Variants in RFX7 observed in about 807,000 individuals in gnomAD.
RFX7 encodes the protein regulatory factor X7, also known as DNA-binding protein RFX7.
Under a neutral mutation model 111.8 loss-of-function variants are expected in RFX7, and 26 were observed. That is an observed-to-expected ratio of 0.23 (90% CI 0.17 to 0.32). The LOEUF is 0.32. Among genes scored for constraint, RFX7 ranks in the 10% least tolerant of loss-of-function variants. The probability of loss-of-function intolerance (pLI) is 1.00; values close to 1 mark genes in which losing one functional copy is unlikely to be tolerated. For missense variants in RFX7, 1,573 were observed against 1,772.9 expected (o/e 0.89, Z 2.02); for synonymous variants, 624 against 624.4 (o/e 1.00, Z 0.01).
At position 56,160,865 on chromosome 15, in the gene RFX7, T is replaced by C. The variant is rs1369648815; in HGVS notation, c.196-16382A>G. The C allele has an allele frequency of 2.0e-5, 3 of 152,066 alleles. No individual in the cohort carries two copies. In the East Asian group the frequency reaches 5.8e-4, roughly 29 times the overall value. 9.4% of individuals were successfully genotyped at this position (152,066 alleles called of 1,614,324 possible). On this transcript the variant is annotated intron_variant, in intron 3 of 9. Coordinates refer to ENST00000559447, the MANE Select transcript of RFX7 (RefSeq NM_022841.7). ...CAATTTTCAGTTTCCTAACTTGTTA[T>C]GAGGACCACTGGGGGTGGCAGGGAT...
intron 5 of RFX7, among the ~76,000 whole-genome samples, chr15:56,132,758 T>C (rs1371921848): frequency 6.6e-6 from 1 of 152,126 alleles, no homozygotes; most frequent in East Asian, 1.9e-4. Context: ...TTAATATTTA[T>C]GTCTTTAATA....
chr15:56,190,398 G>C (rs1281024412), intron 2 of RFX7, among the ~76,000 whole-genome samples: 5 of 152,152 alleles, frequency 3.3e-5, no homozygotes, highest in African/African-American at 1.2e-4. Context: ...CCAATTTCCA[G>C]GGACAGCCCA....
rs535847948 is a variant in RFX7, at chr15:56,118,148, G to A, written c.402-14478C>T. Among the ~76,000 whole-genome samples the A allele has an allele frequency of 1.3e-4, 20 of 151,972 alleles. No individual in the cohort carries two copies. The South Asian group carries it at 4.0e-3, about 30-fold the overall frequency. The stretch of plus-strand genomic sequence containing the variant: ...TGTAATAATCATATCAGGGTAAATG[G>A]GGTATCCATCACCTCGAGCATTTAT... On this transcript the variant is annotated intron_variant, in intron 5 of 9. Transcript: ENST00000559447.
At chr15:56,218,334 G>A (rs1005752835) in intron 2 of RFX7, among the ~76,000 whole-genome samples, 6 of 151,854 alleles carry the variant, frequency 4.0e-5, no homozygotes, top group East Asian at 3.9e-4. Flanking sequence ...GTTACACCAC[G>A]TTGGCCAGAC....
chr15:56,190,564 T>C lies in RFX7; in HGVS notation c.162-11261A>G, dbSNP rs1165718351. Among the ~76,000 whole-genome samples the C allele has an allele frequency of 8.5e-5, 13 of 152,170 alleles. No homozygotes were observed. The South Asian group carries it at 2.1e-3, about 24-fold the overall frequency. On this transcript the variant is annotated intron_variant, in intron 2 of 9. Coordinates refer to ENST00000559447, the MANE Select transcript of RFX7 (RefSeq NM_022841.7). ...TTTCCTTCCCATCCATTCCCTTCCA[T>C]AGATATGAATCACAAAAGCATTCCC...
intron 5 of RFX7, among the ~76,000 whole-genome samples, chr15:56,107,660 A>G (rs916726498): frequency 8.3e-4 from 126 of 152,346 alleles, no homozygotes; most frequent in African/African-American, 3.0e-3. Context: ...TTTATTAAAC[A>G]TATTTTATAG....
chr15:56,128,433 A>C lies in RFX7; in HGVS notation c.401+14345T>G, dbSNP rs542377243. 4.7e-4 allele frequency among the ~76,000 whole-genome samples: 71 copies of C among 152,346 alleles called. No homozygotes were observed. In the South Asian group the frequency reaches 5.0e-3, roughly 11 times the overall value. Reference sequence around the variant, plus strand: ...AAATGCATGATAGGTACAACATATAAAAATAATAATGTAATACACTATATT... The same window carrying C: ...AAATGCATGATAGGTACAACATATACAAATAATAATGTAATACACTATATT... On this transcript the variant is annotated intron_variant, in intron 5 of 9. Transcript: ENST00000559447.
chr15:56,221,033 G>T (rs1157337537), intron 2 of RFX7, among the ~76,000 whole-genome samples: 1 of 152,088 alleles, frequency 6.6e-6, no homozygotes. Context: ...GGTTCCATTG[G>T]TCTATTTGTT....
At chr15:56,184,677 T>C (rs1402068916) in intron 2 of RFX7, among the ~76,000 whole-genome samples, 1 of 152,216 alleles carries the variant, frequency 6.6e-6, no homozygotes, top group East Asian at 1.9e-4. Flanking sequence ...AGGAACACTC[T>C]TCAAAAGTGC....
chr15:56,199,672 T>G (rs537928429), intron 2 of RFX7, among the ~76,000 whole-genome samples: 1 of 152,116 alleles, frequency 6.6e-6, no homozygotes, highest in Non-Finnish European at 1.5e-5. Flanking sequence ...AGAAACACCA[T>G]GGTAAATATA....
intron 3 of RFX7, among the ~76,000 whole-genome samples, chr15:56,174,683 G>T (rs2042883955): frequency 6.6e-6 from 1 of 152,106 alleles, no homozygotes; most frequent in South Asian, 2.1e-4. Flanking sequence ...GGAGACAGAA[G>T]TTGCAGTGAG....
At chr15:56,236,644 A>C (rs753307966) in intron 2 of RFX7, among the ~76,000 whole-genome samples, 2 of 152,232 alleles carry the variant, frequency 1.3e-5, no homozygotes, top group Non-Finnish European at 2.9e-5. Context: ...TGTGAAGCTC[A>C]ACTCTGCACT....
chr15:56,217,900 G>A (rs2043379258), intron 2 of RFX7, among the ~76,000 whole-genome samples: 1 of 152,054 alleles, frequency 6.6e-6, no homozygotes, highest in African/African-American at 2.4e-5. Flanking sequence ...CCACCTGGGA[G>A]ACTGGCGAAA....
Position 56,213,724 on chromosome 15 carries a change from C to T in RFX7, c.161+29401G>A, listed in dbSNP as rs1447516704. On this transcript the variant is annotated intron_variant, in intron 2 of 9. Coordinates refer to ENST00000559447, the MANE Select transcript of RFX7 (RefSeq NM_022841.7). ...TCTCTCTTTATATTATTTCTTATGA[C>T]TAGATGTGAACCAACAATTATCCCA... 2.0e-5 allele frequency among the ~76,000 whole-genome samples: 3 copies of T among 152,090 alleles called. No individual in the cohort carries two copies. The East Asian group carries it at 5.8e-4, about 29-fold the overall frequency.
At chr15:56,150,700 T>C (rs1234717580) in intron 3 of RFX7, among the ~76,000 whole-genome samples, 2 of 152,020 alleles carry the variant, frequency 1.3e-5, no homozygotes, top group African/African-American at 2.4e-5. Context: ...GGGAACAAAA[T>C]TGGATGCAGA....
chr15:56,103,758 C>G (rs1337362333), intron 5 of RFX7, 88 bp from the exon 6 acceptor site: 1 of 730,012 alleles, frequency 1.4e-6, no homozygotes, highest in Non-Finnish European at 2.3e-6. Context: ...ATCCTTCTGA[C>G]AAAGTGAAGC....
In RFX7 at chr15:56,087,711, C is replaced by T; in HGVS notation, c.*5634G>A. On this transcript the variant is annotated 3_prime_UTR_variant, in exon 10 of 10. Coordinates refer to ENST00000559447, the MANE Select transcript of RFX7 (RefSeq NM_022841.7). ...TAAGTATCCGCCTCTGCTATAGTGA[C>T]CTCATTGCATCCTGCAAAGACATTC... 1 of 358,304 alleles carries T rather than the reference C, an allele frequency of 2.8e-6. No individual in the cohort carries two copies. The highest frequency in any genetic ancestry group is 2.1e-5 in the South Asian group (1 of 47,428). The allele number at this position is 358,304 out of a possible 1,614,324, so 22.2% of individuals were successfully genotyped here. A position where few individuals can be genotyped will look rare whatever the true frequency, so the allele number is the denominator to read the frequency against.
At chr15:56,169,344 A>G (rs1241943944) in intron 3 of RFX7, among the ~76,000 whole-genome samples, 1 of 152,226 alleles carries the variant, frequency 6.6e-6, no homozygotes, top group East Asian at 1.9e-4. Flanking sequence ...ATTTTTAAAC[A>G]GTAAGTTCTG....
At chr15:56,174,344 A>G (rs1043466476) in intron 3 of RFX7, among the ~76,000 whole-genome samples, 2 of 152,220 alleles carry the variant, frequency 1.3e-5, no homozygotes, top group African/African-American at 4.8e-5. Flanking sequence ...GAGAAAATTT[A>G]TTAGATGGGA....
Sources: gnomAD v4.1 joint callset for allele counts (sites outside exome capture counted in the v4.1 genomes callset) on GRCh38, gnomAD v4.1.1 for gene constraint, MANE v1.5 for transcripts, NCBI Gene and HGNC (gene_info 2026-07-23, HGNC 2026-07-21) for gene names.